The following CKS1B variants were observed in gnomAD, a reference collection of about 807,000 sequenced individuals.
CKS1B encodes CDC28 protein kinase regulatory subunit 1B.
In CKS1B, 5 loss-of-function variants were observed where a neutral mutation model predicts 12.2. The ratio of observed to expected loss-of-function variants is 0.41; its 90% confidence interval spans 0.21 to 0.86. CKS1B has a LOEUF of 0.86. Ranked by LOEUF, CKS1B falls within the 40% of genes least tolerant of loss-of-function variation. The pLI, the probability that CKS1B is intolerant of heterozygous loss-of-function variation, is 0.32. For synonymous variants in CKS1B, 24 were observed against 34.4 expected (o/e 0.70, Z 1.06); for missense variants, 53 against 99.9 (o/e 0.53, Z 2.00).
intron 1 of CKS1B, 182 bp from the exon 2 acceptor site, chr1:154,977,805 C>T (rs917078667): frequency 1.4e-5 from 8 of 578,556 alleles, no homozygotes; most frequent in Middle Eastern, 9.3e-4. Flanking sequence ...TTTTAATATA[C>T]TCTCGGAATT....
intron 1 of CKS1B, 144 bp downstream of exon 1, chr1:154,974,948 G>A (rs374024508): frequency 1.9e-6 from 3 of 1,612,976 alleles, no homozygotes; most frequent in East Asian, 4.5e-5. Flanking sequence ...TGTGGAAGGC[G>A]TAAGGCGCAT....
At chr1:154,976,467 C>G (rs1037201214) in intron 1 of CKS1B, among the ~76,000 whole-genome samples, 1 of 152,216 alleles carries the variant, frequency 6.6e-6, no homozygotes, top group African/African-American at 2.4e-5. Context: ...CAGCCTAGTT[C>G]AGGGCTTTGG....
chr1:154,976,264 G>T (rs1263583527), intron 1 of CKS1B, among the ~76,000 whole-genome samples: 1 of 152,196 alleles, frequency 6.6e-6, no homozygotes, highest in African/African-American at 2.4e-5. Context: ...GGCACTGGAT[G>T]TGGCATTCGG....
chr1:154,974,932 T>C (rs1657103335), intron 1 of CKS1B, 128 bp downstream of exon 1: 6 of 1,613,492 alleles, frequency 3.7e-6, no homozygotes, highest in Non-Finnish European at 5.1e-6. Context: ...GGCAATGGTG[T>C]GATATTGTGG....
At chr1:154,978,608 T>A in intron 2 of CKS1B, 117 bp from the exon 3 acceptor site, 1 of 834,388 alleles carries the variant, frequency 1.2e-6, no homozygotes. Context: ...TGCTTAAGTC[T>A]TTATTTAGTT....
chr1:154,974,759 A>G lies in CKS1B; in HGVS notation c.14A>G (p.Gln5Arg). The change falls in exon 1 of 3, where the codon CAA (glutamine) becomes CGA (arginine). Residue 5 changes from glutamine (Q) to arginine (R), a missense_variant. Transcript: ENST00000308987. ...AACCGAGCGATCATGTCGCACAAAC[A>G]AATTTACTATTCGGACAAATACGAC... Reference protein sequence around the residue: MSHKQIYYSDKYDDE... With the variant: MSHKRIYYSDKYDDE... 4.3e-6 allele frequency: 7 copies of G among 1,610,188 alleles called. No individual in the cohort carries two copies. The highest frequency in any genetic ancestry group is 5.9e-6 in the Non-Finnish European group (7 of 1,178,130).
chr1:154,976,200 T>C (rs1235359863), intron 1 of CKS1B, among the ~76,000 whole-genome samples: 1 of 152,138 alleles, frequency 6.6e-6, no homozygotes, highest in Non-Finnish European at 1.5e-5. Flanking sequence ...TTGACTGAAA[T>C]TGTTTAGAAG....
rs41264271 is a variant in CKS1B at position 154,978,250 on chromosome 1, T to A, written c.187+136T>A. The A allele has an allele frequency of 4.5e-3, 4,427 of 987,406 alleles. 63 individuals are homozygous for A. Among genetic ancestry groups the A allele is most frequent in the East Asian group, 0.044 (1,491 of 34,182 alleles). 61.2% of individuals were successfully genotyped at this position (987,406 alleles called of 1,614,324 possible). ...CCCCTCCAGTCGTGGGGGATTTTTT[T>A]AAAAAAAAACTAGTGACCAAAAATA... On this transcript the variant is annotated intron_variant, in intron 2 of 2. Coordinates refer to ENST00000308987, the MANE Select transcript of CKS1B (RefSeq NM_001826.3).
Position 154,974,750 on chromosome 1 carries a change from C to T in CKS1B, c.5C>T (p.Ser2Leu), listed in dbSNP as rs1433591549. 6.2e-7 allele frequency: 1 copy of T among 1,604,362 alleles called. No homozygotes were observed. Among genetic ancestry groups the T allele is most frequent in the Non-Finnish European group, 8.5e-7 (1 of 1,175,348 alleles). ...AGGCTAGCAAACCGAGCGATCATGT[C>T]GCACAAACAAATTTACTATTCGGAC... Reference protein sequence around the residue: MSHKQIYYSDKY... With the variant: MLHKQIYYSDKY... Residue 2 changes from serine to leucine, a missense_variant, in exon 1 of 3, where the codon TCG (serine) becomes TTG (leucine). Physicochemically the swap from Ser to Leu is moderately radical, Grantham distance 145 (BLOSUM62 -2). Transcript: ENST00000308987.
chr1:154,978,008 C>T lies in CKS1B; in HGVS notation c.81C>T (p.Asp27=), dbSNP rs1246528954. Residue 27 remains aspartate (D), a synonymous_variant, in exon 2 of 3, where the codon GAC becomes GAT. Transcript: ENST00000308987. ...FEYRHVMLPK[D]IAKLVPKTHL... ...ACAGACATGTCATGCTGCCCAAGGA[C>T]ATAGCCAAGCTGGTCCCTAAAACCC... 1 of 1,613,874 alleles carries T rather than the reference C, an allele frequency of 6.2e-7. No individual in the cohort carries two copies. The highest frequency in any genetic ancestry group is 1.1e-5 in the South Asian group (1 of 91,028).
At chr1:154,978,143 T>C (rs1175799465) in intron 2 of CKS1B, 29 bp downstream of exon 2, 31 of 1,608,960 alleles carry the variant, frequency 1.9e-5, no homozygotes, top group Non-Finnish European at 2.3e-5. Flanking sequence ...AACAACCATA[T>C]AGAACTGCTA....
At chr1:154,977,909 G>T in intron 1 of CKS1B, 78 bp from the exon 2 acceptor site, 3 of 1,413,670 alleles carry the variant, frequency 2.1e-6, no homozygotes, top group South Asian at 1.6e-5. Context: ...TCCTTTCTTG[G>T]CCTTGTAAAC....
intron 1 of CKS1B, chr1:154,975,817 C>T (rs2102227125): frequency 6.5e-6 from 1 of 154,838 alleles, no homozygotes; most frequent in Non-Finnish European, 1.5e-5. Flanking sequence ...TCTCTTTCAC[C>T]ACCATTGAAA....
intron 1 of CKS1B, 66 bp downstream of exon 1, chr1:154,974,870 A>C: frequency 1.2e-6 from 2 of 1,614,066 alleles, no homozygotes; most frequent in Non-Finnish European, 1.7e-6. Flanking sequence ...ACAAGGAATT[A>C]GTAACAGGAA....
chr1:154,978,296 T>C, intron 2 of CKS1B, 182 bp downstream of exon 2: 1 of 634,866 alleles, frequency 1.6e-6, no homozygotes, highest in Non-Finnish European at 2.6e-6. Flanking sequence ...ATCTGGGAAG[T>C]TCAGAGACAA....
At chr1:154,978,471 C>A (rs1657244345) in intron 2 of CKS1B, 1 of 559,002 alleles carries the variant, frequency 1.8e-6, no homozygotes, top group Non-Finnish European at 3.1e-6. Flanking sequence ...AGACACCAGA[C>A]ACCCAGCTGC....
chr1:154,974,818 C>T lies in CKS1B; in HGVS notation c.59+14C>T. The T allele has an allele frequency of 1.2e-6, 2 of 1,613,918 alleles. No individual in the cohort carries two copies. On this transcript the variant is annotated intron_variant, in intron 1 of 2. Transcript: ENST00000308987. ...GTTTGAGTATCGGTTAGTGCTGGCG[C>T]GGGAGCAATAGCGAGGGTCGTGAGC...
At position 154,974,681 on chromosome 1, in the gene CKS1B, G is replaced by T; in HGVS notation, c.-65G>T. On this transcript the variant is annotated 5_prime_UTR_variant, in exon 1 of 3. Transcript: ENST00000308987. ...AAGCGAGGCCAAAGTGGGTGGGAGC[G>T]CGTGCTGTTGGGAGTTGCTTGGAGG... 6.5e-7 allele frequency: 1 copy of T among 1,540,302 alleles called. No individual in the cohort carries two copies. The highest frequency in any genetic ancestry group is 8.8e-7 in the Non-Finnish European group (1 of 1,137,142).
chr1:154,978,721 T>C lies in CKS1B; in HGVS notation c.188-4T>C, dbSNP rs1358109237. 1 of 1,613,900 alleles carries C rather than the reference T, an allele frequency of 6.2e-7. No individual in the cohort carries two copies. The highest frequency in any genetic ancestry group is 8.5e-7 in the Non-Finnish European group (1 of 1,179,818). On this transcript the variant is annotated splice_polypyrimidine_tract_variant and splice_region_variant and intron_variant, in intron 2 of 2. Coordinates refer to ENST00000308987, the MANE Select transcript of CKS1B (RefSeq NM_001826.3). ...TGTCTCTTAGATTTCCCTCACTCTT[T>C]CAGAACCTCACATCTTGCTGTTCCG...
Sources: allele counts gnomAD v4.1 joint callset (sites outside exome capture counted in the v4.1 genomes callset), GRCh38; gene constraint gnomAD v4.1.1; transcripts MANE v1.5; gene names NCBI Gene and HGNC (gene_info 2026-07-23, HGNC 2026-07-21).